TLL1: variants seen among roughly 807,000 people sequenced by gnomAD.
The protein encoded by TLL1 is tolloid-like protein 1.
A neutral mutation model predicts 128.2 loss-of-function variants in TLL1; 49 were observed. The ratio of observed to expected loss-of-function variants is 0.38; its 90% CI spans 0.30 to 0.48. The LOEUF (loss-of-function observed/expected upper bound fraction) is 0.48, where lower values mean the gene tolerates loss of function less well. Among genes scored for constraint, TLL1 ranks in the 20% least tolerant of loss-of-function variants. TLL1 has a pLI of 0.96. For missense variants in TLL1, 1,123 were observed against 1,242.0 expected, an observed-to-expected ratio of 0.90 and a Z score of 1.44; for synonymous variants, 454 against 418.8, an observed-to-expected ratio of 1.08 and a Z score of -1.03.
intron 7 of TLL1, among the ~76,000 whole-genome samples, chr4:166,009,946 C>T (rs922841291): frequency 1.3e-5 from 2 of 151,276 alleles, no homozygotes; most frequent in African/African-American, 2.4e-5. Flanking sequence ...TCTTGCAAAA[C>T]GTAAACTCTA....
intron 1 of TLL1, 147 bp downstream of exon 1, chr4:165,874,220 C>T (rs1730622789): frequency 4.1e-6 from 4 of 984,366 alleles, no homozygotes; most frequent in Non-Finnish European, 6.2e-6. Context: ...CTTTTCCTTC[C>T]CTTCCCCACC....
intron 1 of TLL1, among the ~76,000 whole-genome samples, chr4:165,876,101 G>A (rs1019633295): frequency 6.6e-6 from 1 of 152,164 alleles, no homozygotes; most frequent in African/African-American, 2.4e-5. Flanking sequence ...ACGCATGCAT[G>A]TGTGTGTGTA....
intron 1 of TLL1, among the ~76,000 whole-genome samples, chr4:165,913,945 G>T (rs921748783): frequency 1.3e-5 from 2 of 152,184 alleles, no homozygotes; most frequent in Admixed American, 6.5e-5. Context: ...GAGCTGGAGA[G>T]GTCTAGGTTG....
intron 9 of TLL1, 53 bp from the exon 10 acceptor site, chr4:166,039,286 A>G (rs931904655): frequency 6.6e-5 from 83 of 1,255,580 alleles, no homozygotes; most frequent in South Asian, 1.3e-4. Context: ...TCAAATCACT[A>G]TATGTAGATA....
At chr4:166,094,868 T>C (rs191282273) in intron 19 of TLL1, among the ~76,000 whole-genome samples, 6 of 152,220 alleles carry the variant, frequency 3.9e-5, no homozygotes, top group Admixed American at 3.9e-4. Context: ...AAATATTTAT[T>C]TTGCATCTGC....
At chr4:165,972,113 C>T (rs903473575) in intron 1 of TLL1, among the ~76,000 whole-genome samples, 2 of 152,096 alleles carry the variant, frequency 1.3e-5, no homozygotes, top group Non-Finnish European at 1.5e-5. Flanking sequence ...GGAAGTTGTG[C>T]CAGCCACCTG....
chr4:165,887,546 T>C (rs751785320), intron 1 of TLL1, among the ~76,000 whole-genome samples: 19 of 152,240 alleles, frequency 1.2e-4, no homozygotes, highest in Non-Finnish European at 2.6e-4. Context: ...TTGTGTTTTG[T>C]AAAGCAATTG....
intron 9 of TLL1, among the ~76,000 whole-genome samples, chr4:166,029,696 C>G (rs1038588342): frequency 2.0e-5 from 3 of 152,024 alleles, no homozygotes; most frequent in Non-Finnish European, 2.9e-5. Flanking sequence ...GCCTGGCAAT[C>G]ATCATTCTAC....
At chr4:166,096,639 C>T (rs1436258152) in intron 19 of TLL1, among the ~76,000 whole-genome samples, 3 of 152,042 alleles carry the variant, frequency 2.0e-5, no homozygotes, top group South Asian at 2.1e-4. Context: ...TACCAGATCT[C>T]CAGGTCCTCC....
At chr4:166,030,144 C>T (rs1738694474) in intron 9 of TLL1, among the ~76,000 whole-genome samples, 1 of 152,108 alleles carries the variant, frequency 6.6e-6, no homozygotes, top group African/African-American at 2.4e-5. Flanking sequence ...TCCATCCTCA[C>T]CAACACTTGT....
rs544717952 is a variant in TLL1 at position 166,033,559 on chromosome 4, G to T, written c.1159-5780G>T. On this transcript the variant is annotated intron_variant, in intron 9 of 20. Transcript: ENST00000061240. The stretch of plus-strand genomic sequence containing the variant: ...AAAAATATTGTCTTTAAAAAATACA[G>T]TCATTGTAGGACAATGATGTGAATG... Among the ~76,000 whole-genome samples the T allele has an allele frequency of 1.1e-3, 161 of 152,232 alleles. 1 individual carries two copies. The highest frequency in any genetic ancestry group is 1.9e-3 in the Non-Finnish European group (132 of 67,988).
chr4:166,007,843 G>A (rs1737510016), intron 6 of TLL1, 100 bp from the exon 7 acceptor site: 3 of 784,552 alleles, frequency 3.8e-6, no homozygotes, highest in Non-Finnish European at 6.9e-6. Flanking sequence ...AGCAAGATCA[G>A]TCATTTCACA....
At chr4:165,878,306 A>G (rs551784171) in intron 1 of TLL1, among the ~76,000 whole-genome samples, 20 of 152,024 alleles carry the variant, frequency 1.3e-4, no homozygotes, top group South Asian at 4.2e-4. Context: ...AATGCATTTC[A>G]TAGAGCTGCT....
chr4:166,055,107 A>AC lies in TLL1; in HGVS notation c.1558dup (p.Leu520ProfsTer4). ...AGACATGACAATTGTGCTTATGACT[A>AC]CCTGGAAGTTAGAGATGGAACCAGT... On this transcript the variant is annotated frameshift_variant, in exon 13 of 21. Transcript: ENST00000061240. LOFTEE classifies it high-confidence loss of function. 2 of 1,612,494 alleles carry AC rather than the reference A, an allele frequency of 1.2e-6. No individual in the cohort carries two copies. The highest frequency in any genetic ancestry group is 1.7e-6 in the Non-Finnish European group (2 of 1,179,486).
In TLL1 at chr4:166,103,910, CTG is replaced by C. The variant is rs1221404588; in HGVS notation, c.*3036_*3037del. 6 of 149,810 alleles carry C rather than the reference CTG, an allele frequency of 4.0e-5. No individual in the cohort carries two copies. Among genetic ancestry groups the C allele is most frequent in the Admixed American group, 6.7e-5 (1 of 15,008 alleles). The allele number at this position is 149,810 out of a possible 1,614,324, so 9.3% of individuals were successfully genotyped here. A position where few individuals can be genotyped will look rare whatever the true frequency, so the allele number is the denominator to read the frequency against. ...TTTTAAAAGTCAATTTTGAAAATAA[CTG>C]TATTTTATTAAGGAGATCGTGACTT... On this transcript the variant is annotated 3_prime_UTR_variant, in exon 21 of 21. Transcript: ENST00000061240.
In TLL1 at chr4:165,989,465, C is replaced by T; in HGVS notation, c.254C>T (p.Pro85Leu). 1 of 1,612,504 alleles carries T rather than the reference C, an allele frequency of 6.2e-7. No homozygotes were observed. Among genetic ancestry groups the T allele is most frequent in the Non-Finnish European group, 8.5e-7 (1 of 1,179,126 alleles). Residue 85 changes from proline (P) to leucine (L), a missense_variant, in exon 2 of 21, where the codon CCC becomes CTC. Pro to Leu is a moderately conservative substitution (Grantham distance 98). Coordinates refer to ENST00000061240, the MANE Select transcript of TLL1 (RefSeq NM_012464.5). ...IDRTIDLTQN[P>L]FGNLGHTTGG... ...AGGACAATTGACCTTACGCAGAACC[C>T]CTTTGGAAACCTTGGACATACCACA...
chr4:166,041,543 C>T (rs550476541), intron 10 of TLL1, among the ~76,000 whole-genome samples: 1 of 152,130 alleles, frequency 6.6e-6, no homozygotes, highest in South Asian at 2.1e-4. Context: ...TTATGATCCA[C>T]CCACCTCGGC....
intron 1 of TLL1, among the ~76,000 whole-genome samples, chr4:165,926,553 G>A (rs1472193386): frequency 6.6e-6 from 1 of 152,172 alleles, no homozygotes; most frequent in Non-Finnish European, 1.5e-5. Flanking sequence ...AGGCAGAGGG[G>A]GGAGTCCTCT....
At chr4:165,998,700 G>T (rs1737005492) in intron 5 of TLL1, among the ~76,000 whole-genome samples, 1 of 151,886 alleles carries the variant, frequency 6.6e-6, no homozygotes, top group South Asian at 2.1e-4. Context: ...GGGAGGCTGA[G>T]GCAGGAGAAT....
Sources: allele counts gnomAD v4.1 joint callset (sites outside exome capture counted in the v4.1 genomes callset), GRCh38; gene constraint gnomAD v4.1.1; transcripts MANE v1.5; gene names NCBI Gene and HGNC (gene_info 2026-07-23, HGNC 2026-07-21).